Variants in SCFD1 observed in about 807,000 individuals in gnomAD.
The protein encoded by SCFD1 is sec1 family domain-containing protein 1.
Under a neutral mutation model 103.2 loss-of-function variants are expected in SCFD1, and 37 were observed. That is an observed-to-expected ratio of 0.36 (90% CI 0.28 to 0.47). The LOEUF (loss-of-function observed/expected upper bound fraction) is 0.47. Among genes scored for constraint, SCFD1 ranks in the 20% least tolerant of loss-of-function variants. The pLI is 1.00. For synonymous variants in SCFD1, 264 were observed against 245.0 expected, an observed-to-expected ratio of 1.08 and a Z score of -0.73; for missense variants, 639 against 761.2, an observed-to-expected ratio of 0.84 and a Z score of 1.89.
At position 30,665,056 on chromosome 14, in the gene SCFD1, A is replaced by T. The variant is rs139765264; in HGVS notation, c.856-5200A>T. The stretch of plus-strand genomic sequence containing the variant: ...AGGAAATACAGAGAACACCACAAAG[A>T]TACTCAAGAAGAGCAACCCCAAGAC... On this transcript the variant is annotated intron_variant, in intron 10 of 24. Coordinates refer to ENST00000458591, the MANE Select transcript of SCFD1 (RefSeq NM_016106.4). Among the ~76,000 whole-genome samples, 717 of 152,060 alleles carry T rather than the reference A, an allele frequency of 4.7e-3. 8 individuals carry two copies. Among genetic ancestry groups the T allele is most frequent in the African/African-American group, 0.016 (662 of 41,512 alleles).
At chr14:30,723,449 A>G (rs1220205127) in intron 23 of SCFD1, among the ~76,000 whole-genome samples, 1 of 152,130 alleles carries the variant, frequency 6.6e-6, no homozygotes, top group Non-Finnish European at 1.5e-5. Context: ...CAGTTTTGCT[A>G]CATAGGTAAA....
At chr14:30,683,037 A>G in intron 14 of SCFD1, 1 of 1,334,612 alleles carries the variant, frequency 7.5e-7, no homozygotes, top group Non-Finnish European at 1.1e-6. Context: ...CAGGCTGGGC[A>G]GCCTGGGTCA....
chr14:30,673,446 T>G (rs1160970817), intron 12 of SCFD1, 99 bp downstream of exon 12: 5 of 534,484 alleles, frequency 9.4e-6, no homozygotes, highest in Non-Finnish European at 1.7e-5. Context: ...TTGAAGGCCA[T>G]TTAATGCTTT....
intron 15 of SCFD1, among the ~76,000 whole-genome samples, chr14:30,696,384 G>C (rs538106118): frequency 6.6e-6 from 1 of 152,068 alleles, no homozygotes. Flanking sequence ...AGTAACTTTC[G>C]AGTAAAGTTG....
At chr14:30,734,912 G>A (rs1440082787) in intron 24 of SCFD1, 54 bp downstream of exon 24, 1 of 1,395,474 alleles carries the variant, frequency 7.2e-7, no homozygotes, top group Non-Finnish European at 1.0e-6. Context: ...GTTGCTATTG[G>A]TATTTTTCAA....
chr14:30,680,835 T>C (rs1178836286), intron 14 of SCFD1, among the ~76,000 whole-genome samples: 3 of 152,214 alleles, frequency 2.0e-5, no homozygotes, highest in East Asian at 1.9e-4. Flanking sequence ...TTTGTTGATG[T>C]CCTGTTTTTA....
At chr14:30,662,764 T>C (rs1887562880) in intron 10 of SCFD1, among the ~76,000 whole-genome samples, 1 of 152,218 alleles carries the variant, frequency 6.6e-6, no homozygotes, top group African/African-American at 2.4e-5. Context: ...CAGAGATTAT[T>C]TTGTTAACAT....
intron 19 of SCFD1, among the ~76,000 whole-genome samples, chr14:30,712,872 TACA>T (rs1050073086): frequency 1.3e-5 from 2 of 152,202 alleles, no homozygotes; most frequent in Non-Finnish European, 2.9e-5. Flanking sequence ...TGAGAATTCT[TACA>T]ACAATGGAGT....
At chr14:30,675,587 G>A (rs920481181) in intron 14 of SCFD1, among the ~76,000 whole-genome samples, 4 of 152,018 alleles carry the variant, frequency 2.6e-5, no homozygotes, top group Non-Finnish European at 5.9e-5. Context: ...TCTCATTACC[G>A]TGTTCATGAT....
intron 4 of SCFD1, among the ~76,000 whole-genome samples, chr14:30,635,827 T>C (rs1170280238): frequency 6.6e-6 from 1 of 152,178 alleles, no homozygotes; most frequent in Non-Finnish European, 1.5e-5. Flanking sequence ...TTTTTAGTAA[T>C]AGACTGTTTT....
chr14:30,674,958 A>G (rs1437724566), intron 13 of SCFD1, 26 bp from the exon 14 acceptor site: 1 of 1,399,752 alleles, frequency 7.1e-7, no homozygotes, highest in African/African-American at 1.5e-5. Flanking sequence ...TTTATTGGTT[A>G]ATATTTAATT....
At chr14:30,713,389 C>T (rs1307192064) in intron 19 of SCFD1, among the ~76,000 whole-genome samples, 1 of 138,376 alleles carries the variant, frequency 7.2e-6, no homozygotes, top group African/African-American at 3.5e-5. Context: ...AAAGAGTTGT[C>T]TCTGAAAAAC....
intron 20 of SCFD1, among the ~76,000 whole-genome samples, chr14:30,717,962 A>C (rs1447435756): frequency 6.6e-6 from 1 of 152,122 alleles, no homozygotes; most frequent in Non-Finnish European, 1.5e-5. Flanking sequence ...TGAGAAAAGT[A>C]CTAGTATTAT....
At chr14:30,627,764 A>AAG (rs1566571183) in intron 1 of SCFD1, among the ~76,000 whole-genome samples, 4 of 133,920 alleles carry the variant, frequency 3.0e-5, no homozygotes, top group African/African-American at 6.3e-5. Flanking sequence ...AAAAAAAAAA[A>AAG]AAAGAAAGAC....
chr14:30,665,394 A>G (rs1887851952), intron 10 of SCFD1, among the ~76,000 whole-genome samples: 2 of 152,226 alleles, frequency 1.3e-5, no homozygotes, highest in African/African-American at 4.8e-5. Flanking sequence ...TGAAGGAAGC[A>G]CTAAACATGG....
At chr14:30,724,244 G>GTTTTTTTT (rs1268662400) in intron 23 of SCFD1, among the ~76,000 whole-genome samples, 1 of 127,256 alleles carries the variant, frequency 7.9e-6, no homozygotes, top group African/African-American at 3.4e-5. Flanking sequence ...CTTTTTTATG[G>GTTTTTTTT]GTTTTTTTTT....
At chr14:30,650,538 G>C (rs760292129) in intron 8 of SCFD1, 27 bp from the exon 9 acceptor site, 5 of 1,288,964 alleles carry the variant, frequency 3.9e-6, no homozygotes, top group Non-Finnish European at 5.6e-6. Flanking sequence ...AAACTGTTAA[G>C]AGTTAATCTA....
intron 16 of SCFD1, among the ~76,000 whole-genome samples, chr14:30,700,687 G>T (rs1891022263): frequency 6.6e-6 from 1 of 151,348 alleles, no homozygotes; most frequent in South Asian, 2.1e-4. Context: ...TAAAATAAAA[G>T]AAAAAAAAGA....
intron 4 of SCFD1, among the ~76,000 whole-genome samples, chr14:30,636,655 GA>G (rs1306969920): frequency 6.6e-6 from 1 of 152,034 alleles, no homozygotes; most frequent in African/African-American, 2.4e-5. Flanking sequence ...TTGAAATTGA[GA>G]AATTGTGTCC....
Sources: gnomAD v4.1 joint callset for allele counts (sites outside exome capture counted in the v4.1 genomes callset) on GRCh38, gnomAD v4.1.1 for gene constraint, MANE v1.5 for transcripts, NCBI Gene and HGNC (gene_info 2026-07-23, HGNC 2026-07-21) for gene names.